The following CERS6 variants were observed in gnomAD, a reference collection of about 807,000 sequenced individuals.
CERS6 encodes LAG1 homolog, ceramide synthase 6.
A neutral mutation model predicts 56.8 loss-of-function variants in CERS6; 26 were observed. That is an observed-to-expected ratio of 0.46 (90% CI 0.34 to 0.63). The LOEUF (loss-of-function observed/expected upper bound fraction) is 0.63. CERS6 is among the 30% of genes least tolerant of loss of function. The pLI is 0.01. For synonymous variants in CERS6, 164 were observed against 173.3 expected (o/e 0.95, Z 0.42); for missense variants, 415 against 467.5 (o/e 0.89, Z 1.04).
Position 168,582,214 on chromosome 2 carries a change from C to T in CERS6, c.407+20892C>T, listed in dbSNP as rs142188740. Among the ~76,000 whole-genome samples, 577 of 152,272 alleles carry T rather than the reference C, an allele frequency of 3.8e-3. 3 individuals carry two copies. The highest frequency in any genetic ancestry group is 0.013 in the African/African-American group (552 of 41,564). On this transcript the variant is annotated intron_variant, in intron 3 of 9. Coordinates refer to ENST00000305747, the MANE Select transcript of CERS6 (RefSeq NM_203463.3). ...TATCTTGGGGTCCCAGCTTAATATG[C>T]GCAGTGTCTTCTATAATATCCTCCA...
intron 1 of CERS6, among the ~76,000 whole-genome samples, chr2:168,544,064 G>A (rs1695419214): frequency 6.6e-6 from 1 of 152,130 alleles, no homozygotes; most frequent in Non-Finnish European, 1.5e-5. Context: ...CAGTGTGCCA[G>A]GCATATAAAT....
chr2:168,640,541 G>A (rs1275648937), intron 4 of CERS6, among the ~76,000 whole-genome samples: 1 of 152,182 alleles, frequency 6.6e-6, no homozygotes, highest in Non-Finnish European at 1.5e-5. Flanking sequence ...GTGGTGCCAA[G>A]GCTATTATTG....
intron 3 of CERS6, among the ~76,000 whole-genome samples, chr2:168,623,353 A>G (rs910407558): frequency 6.6e-6 from 1 of 152,322 alleles, no homozygotes; most frequent in Admixed American, 6.5e-5. Flanking sequence ...AAGGTGACCC[A>G]GGTTTAAAAC....
At chr2:168,472,416 A>T (rs1693993557) in intron 1 of CERS6, among the ~76,000 whole-genome samples, 1 of 152,150 alleles carries the variant, frequency 6.6e-6, no homozygotes, top group Admixed American at 6.5e-5. Context: ...TCACTATTCC[A>T]CTTAAGGAAT....
At chr2:168,464,804 G>A (rs1358798093) in intron 1 of CERS6, among the ~76,000 whole-genome samples, 1 of 151,820 alleles carries the variant, frequency 6.6e-6, no homozygotes, top group Non-Finnish European at 1.5e-5. Context: ...CTTATTATTA[G>A]ACTAATCACT....
chr2:168,583,934 TCTGACATGTA>T (rs1683480228), intron 3 of CERS6, among the ~76,000 whole-genome samples: 1 of 152,214 alleles, frequency 6.6e-6, no homozygotes, highest in Admixed American at 6.5e-5. Flanking sequence ...CATGACAGCA[TCTGACATGTA>T]CTGACATGTA....
At chr2:168,464,007 T>C (rs556576039) in intron 1 of CERS6, among the ~76,000 whole-genome samples, 11 of 152,308 alleles carry the variant, frequency 7.2e-5, no homozygotes, top group African/African-American at 2.4e-4. Flanking sequence ...ATATTAATAA[T>C]TGGTATTTAA....
At position 168,570,002 on chromosome 2, in the gene CERS6, C is replaced by T. The variant is rs145561530; in HGVS notation, c.407+8680C>T. Among the ~76,000 whole-genome samples, 462 of 152,276 alleles carry T rather than the reference C, an allele frequency of 3.0e-3. 4 individuals carry two copies. Among genetic ancestry groups the T allele is most frequent in the African/African-American group, 0.01 (427 of 41,550 alleles). On this transcript the variant is annotated intron_variant, in intron 3 of 9. Transcript: ENST00000305747. ...ACTCACTTTGGGGTATCAGGAGCAG[C>T]AGCAAATAGCTATTAGTCTGTCACA...
chr2:168,469,325 A>G (rs578201649), intron 1 of CERS6, among the ~76,000 whole-genome samples: 1 of 152,326 alleles, frequency 6.6e-6, no homozygotes, highest in African/African-American at 2.4e-5. Context: ...ATAATTTAAC[A>G]AACCTGCTCA....
chr2:168,736,259 C>T (rs1252101881), intron 8 of CERS6, among the ~76,000 whole-genome samples: 2 of 152,150 alleles, frequency 1.3e-5, no homozygotes, highest in African/African-American at 4.8e-5. Flanking sequence ...CACTGTATAG[C>T]ACTGTGTCTA....
At chr2:168,661,793 G>A (rs977222060) in intron 4 of CERS6, among the ~76,000 whole-genome samples, 2 of 152,172 alleles carry the variant, frequency 1.3e-5, no homozygotes, top group African/African-American at 4.8e-5. Context: ...CCTGGCTCCC[G>A]GGCTCCCCAC....
intron 6 of CERS6, among the ~76,000 whole-genome samples, chr2:168,711,306 C>G (rs182281135): frequency 6.6e-6 from 1 of 152,186 alleles, no homozygotes; most frequent in Non-Finnish European, 1.5e-5. Context: ...TGTGTGGGCT[C>G]TCCCACACTC....
chr2:168,752,721 A>G (rs377558246), intron 8 of CERS6, among the ~76,000 whole-genome samples: 20 of 152,362 alleles, frequency 1.3e-4, no homozygotes, highest in Middle Eastern at 6.8e-3. Context: ...GAGGTTCTGC[A>G]CACCGTTCAG....
chr2:168,697,432 T>TAA (rs1345886384), intron 6 of CERS6, among the ~76,000 whole-genome samples: 1 of 152,200 alleles, frequency 6.6e-6, no homozygotes, highest in East Asian at 1.9e-4. Flanking sequence ...GTAGACTGAT[T>TAA]ATTTTCTGTG....
At chr2:168,635,396 G>T (rs7564698) in intron 4 of CERS6, among the ~76,000 whole-genome samples, 94,475 of 151,994 alleles carry the variant, frequency 0.62, 31,889 homozygotes, top group Middle Eastern at 0.76. Flanking sequence ...CTGGGTGGGT[G>T]TGGAGGCAGG....
intron 4 of CERS6, among the ~76,000 whole-genome samples, chr2:168,668,397 G>A (rs1685820407): frequency 6.6e-6 from 1 of 150,720 alleles, no homozygotes; most frequent in Non-Finnish European, 1.5e-5. Flanking sequence ...GAGTCCTTCT[G>A]TGAATGGAGC....
intron 3 of CERS6, among the ~76,000 whole-genome samples, chr2:168,577,615 G>A (rs1043980402): frequency 2.0e-5 from 3 of 152,200 alleles, no homozygotes; most frequent in Non-Finnish European, 2.9e-5. Flanking sequence ...CAGGCAGGAG[G>A]CGCTGGGGTG....
chr2:168,468,474 C>G (rs1399313793), intron 1 of CERS6, among the ~76,000 whole-genome samples: 1 of 152,180 alleles, frequency 6.6e-6, no homozygotes. Flanking sequence ...ATTACTTAAC[C>G]TCTGCAAGCT....
intron 1 of CERS6, among the ~76,000 whole-genome samples, chr2:168,519,883 T>G (rs1261550776): frequency 6.6e-6 from 1 of 152,262 alleles, no homozygotes; most frequent in Non-Finnish European, 1.5e-5. Context: ...AGTGCTGTGA[T>G]GAACATACAA....
Sources: gnomAD v4.1 joint callset for allele counts (sites outside exome capture counted in the v4.1 genomes callset) on GRCh38, gnomAD v4.1.1 for gene constraint, MANE v1.5 for transcripts, NCBI Gene and HGNC (gene_info 2026-07-23, HGNC 2026-07-21) for gene names.